The following CFAP95 variants were observed in gnomAD, a reference collection of about 807,000 sequenced individuals.
CFAP95 encodes the protein cilia and flagella associated protein 95.
At chr9:69,889,896 T>G in the CFAP95 span, among the ~76,000 whole-genome samples, 1 of 152,192 alleles carries the variant, frequency 6.6e-6, no homozygotes, top group Non-Finnish European at 1.5e-5. Flanking sequence ...AAGTTGCATG[T>G]ATATTTTATC....
At chr9:69,888,919 C>A in the CFAP95 span, among the ~76,000 whole-genome samples, 2 of 151,928 alleles carry the variant, frequency 1.3e-5, no homozygotes, top group East Asian at 3.9e-4. Flanking sequence ...AATTCTTTTT[C>A]TAGGAAACTT....
chr9:69,860,087 T>C, the CFAP95 span, among the ~76,000 whole-genome samples: 1 of 152,232 alleles, frequency 6.6e-6, no homozygotes, highest in African/African-American at 2.4e-5. Context: ...CTGTAGACTT[T>C]ATAAACGCTG....
At chr9:69,853,131 A>G in the CFAP95 span, among the ~76,000 whole-genome samples, 1 of 152,224 alleles carries the variant, frequency 6.6e-6, no homozygotes, top group African/African-American at 2.4e-5. Flanking sequence ...AGAATTGTCA[A>G]TTGGGGATTA....
At chr9:69,866,471 G>C in the CFAP95 span, among the ~76,000 whole-genome samples, 4 of 152,214 alleles carry the variant, frequency 2.6e-5, no homozygotes, top group Non-Finnish European at 5.9e-5. Flanking sequence ...ATAACTAGGA[G>C]CTCAGATGTC....
At chr9:69,853,598 T>C in the CFAP95 span, among the ~76,000 whole-genome samples, 21 of 152,302 alleles carry the variant, frequency 1.4e-4, no homozygotes, top group Non-Finnish European at 2.5e-4. Context: ...TTTAAACATA[T>C]GGAAGTGCTT....
chr9:69,840,076 TA>T, the CFAP95 span, among the ~76,000 whole-genome samples: 26,857 of 139,754 alleles, frequency 0.19, 2,405 homozygotes, highest in East Asian at 0.32. Context: ...AAACTTCATG[TA>T]AAAAAAAAAA....
chr9:69,895,055 C>T, the CFAP95 span, among the ~76,000 whole-genome samples: 1 of 151,388 alleles, frequency 6.6e-6, no homozygotes, highest in Admixed American at 6.6e-5. Flanking sequence ...TCTGTGTTAA[C>T]TTAACTAGGT....
At chr9:69,880,060 A>G in the CFAP95 span, among the ~76,000 whole-genome samples, 3 of 151,984 alleles carry the variant, frequency 2.0e-5, no homozygotes, top group South Asian at 6.2e-4. Context: ...AGATTTTGGT[A>G]CAGGCATGCA....
chr9:69,849,499 G>A, the CFAP95 span, among the ~76,000 whole-genome samples: 1 of 152,136 alleles, frequency 6.6e-6, no homozygotes, highest in African/African-American at 2.4e-5. Context: ...AAAAATTGGT[G>A]CCTGTATATA....
At chr9:69,895,126 A>T in the CFAP95 span, among the ~76,000 whole-genome samples, 1 of 152,166 alleles carries the variant, frequency 6.6e-6, no homozygotes, top group East Asian at 1.9e-4. Flanking sequence ...TCTTTTGTAA[A>T]TGTGATTAAC....
the CFAP95 span, among the ~76,000 whole-genome samples, chr9:69,869,079 A>C: frequency 6.6e-6 from 1 of 152,182 alleles, no homozygotes; most frequent in African/African-American, 2.4e-5. Flanking sequence ...TTATGGAAAA[A>C]AGTATAGAAG....
At chr9:69,850,138 C>A in the CFAP95 span, among the ~76,000 whole-genome samples, 1 of 152,188 alleles carries the variant, frequency 6.6e-6, no homozygotes, top group Non-Finnish European at 1.5e-5. Flanking sequence ...GAAAGGGGTG[C>A]ATGTTGAATC....
chr9:69,841,723 A>G, the CFAP95 span, among the ~76,000 whole-genome samples: 1 of 152,188 alleles, frequency 6.6e-6, no homozygotes, highest in African/African-American at 2.4e-5. Flanking sequence ...AGGCCTCACA[A>G]TCATGCTGGA....
At chr9:69,902,845 A>G in the CFAP95 span, among the ~76,000 whole-genome samples, 1 of 152,000 alleles carries the variant, frequency 6.6e-6, no homozygotes, top group Admixed American at 6.6e-5. Context: ...TCTGATTCCT[A>G]GTTGTATGCT....
chr9:69,863,922 G>A, the CFAP95 span, among the ~76,000 whole-genome samples: 1 of 151,950 alleles, frequency 6.6e-6, no homozygotes, highest in Non-Finnish European at 1.5e-5. Flanking sequence ...ATATAAACAT[G>A]TGTGGTCCCA....
At chr9:69,883,318 T>G in the CFAP95 span, among the ~76,000 whole-genome samples, 1 of 152,042 alleles carries the variant, frequency 6.6e-6, no homozygotes, top group Non-Finnish European at 1.5e-5. Flanking sequence ...GTTTCTGTGT[T>G]GGGGAGAAGT....
chr9:69,833,601 A>G, the CFAP95 span, among the ~76,000 whole-genome samples: 2 of 152,320 alleles, frequency 1.3e-5, no homozygotes, highest in East Asian at 3.9e-4. Flanking sequence ...GCACTCCAAG[A>G]GGCCACCTCT....
the CFAP95 span, chr9:69,884,274 A>C: frequency 6.6e-6 from 1 of 152,172 alleles, no homozygotes; most frequent in Non-Finnish European, 1.5e-5. Flanking sequence ...CTGATCATTA[A>C]AAATTGTTTT....
the CFAP95 span, chr9:69,886,697 G>A: frequency 1.6e-6 from 1 of 611,438 alleles, no homozygotes; most frequent in Admixed American, 2.8e-5. Flanking sequence ...CAGAGGCTGG[G>A]ACAGTTGTGG....
Sources: gnomAD v4.1 joint callset for allele counts (sites outside exome capture counted in the v4.1 genomes callset) on GRCh38, gnomAD v4.1.1 for gene constraint, MANE v1.5 for transcripts, NCBI Gene and HGNC (gene_info 2026-07-23, HGNC 2026-07-21) for gene names.